The following ADAMTS12 variants were observed in gnomAD, a reference collection of about 807,000 sequenced individuals.
ADAMTS12 encodes the protein A disintegrin and metalloproteinase with thrombospondin motifs 12.
In ADAMTS12, 118 loss-of-function variants were observed where a neutral mutation model predicts 167.8. The observed-to-expected ratio is 0.70, with a 90% CI of 0.61 to 0.82. The LOEUF (loss-of-function observed/expected upper bound fraction) is 0.82. Ranked by LOEUF, ADAMTS12 falls within the 40% of genes least tolerant of loss-of-function variation. The pLI, the probability that ADAMTS12 is intolerant of heterozygous loss-of-function variation, is 0.00. For synonymous variants in ADAMTS12, 704 were observed against 716.9 expected (o/e 0.98, Z 0.29); for missense variants, 1,916 against 1,998.8 (o/e 0.96, Z 0.79).
chr5:33,647,300 T>G (rs1740703694), intron 9 of ADAMTS12, among the ~76,000 whole-genome samples: 1 of 152,236 alleles, frequency 6.6e-6, no homozygotes, highest in Admixed American at 6.5e-5. Flanking sequence ...TAAGTATTTA[T>G]AAATCCATTT....
intron 2 of ADAMTS12, among the ~76,000 whole-genome samples, chr5:33,818,917 AT>A (rs1239359869): frequency 3.9e-5 from 6 of 151,988 alleles, no homozygotes; most frequent in African/African-American, 1.4e-4. Flanking sequence ...TCCTTTTCTT[AT>A]TTTTTAATCA....
chr5:33,615,289 A>G (rs1446938107), intron 15 of ADAMTS12, among the ~76,000 whole-genome samples: 1 of 152,132 alleles, frequency 6.6e-6, no homozygotes, highest in East Asian at 1.9e-4. Context: ...GGCTGGATCT[A>G]ACTCCTTGGC....
intron 2 of ADAMTS12, among the ~76,000 whole-genome samples, chr5:33,795,983 T>C (rs1746761550): frequency 6.6e-6 from 1 of 152,250 alleles, no homozygotes; most frequent in African/African-American, 2.4e-5. Flanking sequence ...TTTGCAACTT[T>C]TATTTTCTGC....
intron 3 of ADAMTS12, among the ~76,000 whole-genome samples, chr5:33,715,061 C>A (rs1487987815): frequency 1.3e-5 from 2 of 151,600 alleles, no homozygotes; most frequent in African/African-American, 4.8e-5. Flanking sequence ...TCACATGTAC[C>A]TCATAAATAT....
intron 2 of ADAMTS12, among the ~76,000 whole-genome samples, chr5:33,830,332 T>C (rs1436388808): frequency 1.3e-5 from 2 of 152,078 alleles, no homozygotes; most frequent in African/African-American, 4.8e-5. Context: ...TTGATCGATA[T>C]CACAATTTGA....
At chr5:33,580,536 A>G (rs1348959290) in intron 18 of ADAMTS12, among the ~76,000 whole-genome samples, 1 of 152,208 alleles carries the variant, frequency 6.6e-6, no homozygotes, top group Non-Finnish European at 1.5e-5. Flanking sequence ...ACACACAGCC[A>G]GACCATTTCA....
chr5:33,872,283 C>T (rs530041472), intron 2 of ADAMTS12, among the ~76,000 whole-genome samples: 14 of 152,200 alleles, frequency 9.2e-5, no homozygotes, highest in South Asian at 4.1e-4. Context: ...TGGTGGCTCA[C>T]GCCTGTAATC....
chr5:33,824,663 G>A (rs57083392), intron 2 of ADAMTS12, among the ~76,000 whole-genome samples: 2,103 of 152,280 alleles, frequency 0.014, 47 homozygotes, highest in African/African-American at 0.047. Context: ...CTAGGGGCAG[G>A]CCATCAGTTC....
At chr5:33,673,545 C>A (rs1383143581) in intron 5 of ADAMTS12, among the ~76,000 whole-genome samples, 5 of 152,150 alleles carry the variant, frequency 3.3e-5, no homozygotes, top group Non-Finnish European at 7.3e-5. Context: ...AATTTTACCT[C>A]CTCTACATCT....
chr5:33,598,542 G>C (rs1489001194), intron 16 of ADAMTS12, among the ~76,000 whole-genome samples: 1 of 152,162 alleles, frequency 6.6e-6, no homozygotes, highest in Non-Finnish European at 1.5e-5. Context: ...AGCTCAGCTA[G>C]TTTATCCTGG....
rs763164560 is a variant in ADAMTS12 at position 33,576,548 on chromosome 5, C to T, written c.3478G>A (p.Gly1160Arg). 5 of 1,613,944 alleles carry T rather than the reference C, an allele frequency of 3.1e-6. No individual in the cohort carries two copies. In the South Asian group the frequency reaches 4.4e-5, roughly 14 times the overall value. Residue 1160 changes from glycine (G) to arginine (R), a missense_variant, in exon 19 of 24, where the codon GGG (glycine) becomes AGG (arginine). Gly to Arg is a moderately radical substitution (Grantham distance 125). Transcript: ENST00000504830. Reference protein sequence around the residue: ...GPEMEIHSGSGEEREQPEDKD... With the variant: ...GPEMEIHSGSREEREQPEDKD... ...TCCTCAGGCTGTTCTCTTTCTTCCC[C>T]TGAGCCACTGTGAATCTCCATTTCT...
At chr5:33,647,060 TG>T (rs1740695783) in intron 9 of ADAMTS12, among the ~76,000 whole-genome samples, 1 of 151,814 alleles carries the variant, frequency 6.6e-6, no homozygotes, top group African/African-American at 2.4e-5. Context: ...CACAAAGAGA[TG>T]AAAATATGAA....
chr5:33,775,765 G>C (rs1272872905), intron 2 of ADAMTS12, among the ~76,000 whole-genome samples: 2 of 152,158 alleles, frequency 1.3e-5, no homozygotes, highest in Admixed American at 1.3e-4. Context: ...CCTCCACGTG[G>C]GGTGCTGGGA....
chr5:33,731,863 T>C (rs1744206643), intron 3 of ADAMTS12, among the ~76,000 whole-genome samples: 1 of 152,082 alleles, frequency 6.6e-6, no homozygotes, highest in Admixed American at 6.5e-5. Flanking sequence ...TCCATATAGA[T>C]ATAAGATTTA....
In ADAMTS12 at chr5:33,544,761, A is replaced by G. The variant is rs888971191; in HGVS notation, c.4446+1298T>C. On this transcript the variant is annotated intron_variant, in intron 22 of 23. Transcript: ENST00000504830. ...AACCCGACAAAAACAAGATATGGGG[A>G]AAGGATTCCCTATTTAATAAATGGT... Among the ~76,000 whole-genome samples, 15 of 152,370 alleles carry G rather than the reference A, an allele frequency of 9.8e-5. No homozygotes were observed. In the East Asian group the frequency reaches 2.9e-3, roughly 29 times the overall value.
At chr5:33,698,709 G>A (rs1053585015) in intron 3 of ADAMTS12, among the ~76,000 whole-genome samples, 69 of 152,146 alleles carry the variant, frequency 4.5e-4, no homozygotes, top group Admixed American at 3.3e-3. Context: ...AGACCCAGGC[G>A]GGCGGATCAC....
intron 5 of ADAMTS12, among the ~76,000 whole-genome samples, chr5:33,677,685 A>G (rs1271361996): frequency 1.3e-5 from 2 of 152,224 alleles, no homozygotes; most frequent in Admixed American, 6.5e-5. Context: ...AGACAGGGAC[A>G]TGACAGGAGT....
intron 2 of ADAMTS12, among the ~76,000 whole-genome samples, chr5:33,877,643 A>G (rs2111761093): frequency 6.6e-6 from 1 of 152,298 alleles, no homozygotes; most frequent in Non-Finnish European, 1.5e-5. Context: ...AAAACGGTGG[A>G]GATGAGAGAG....
At chr5:33,682,309 G>C (rs1396036599) in intron 5 of ADAMTS12, among the ~76,000 whole-genome samples, 3 of 152,166 alleles carry the variant, frequency 2.0e-5, no homozygotes, top group Non-Finnish European at 4.4e-5. Context: ...TTTAGGAAGG[G>C]AGTAATCAAG....
Sources: allele counts gnomAD v4.1 joint callset (sites outside exome capture counted in the v4.1 genomes callset), GRCh38; gene constraint gnomAD v4.1.1; transcripts MANE v1.5; gene names NCBI Gene and HGNC (gene_info 2026-07-23, HGNC 2026-07-21).